The following GRK4 variants were observed in gnomAD, a reference collection of about 807,000 sequenced individuals.
GRK4 encodes G protein-coupled receptor kinase 4.
Under a neutral mutation model 77.9 loss-of-function variants are expected in GRK4, and 73 were observed. The observed-to-expected ratio is 0.94, with a 90% CI of 0.78 to 1.14. GRK4 has a LOEUF of 1.14. Among genes scored for constraint, GRK4 ranks in the 50% most tolerant of loss-of-function variants. The pLI is 0.00. For synonymous variants in GRK4, 257 were observed against 254.4 expected (o/e 1.01, Z -0.10); for missense variants, 729 against 700.2 (o/e 1.04, Z -0.46).
chr4:2,965,662 C>G, intron 1 of GRK4: 2 of 581,300 alleles, frequency 3.4e-6, no homozygotes, highest in South Asian at 2.0e-5. Flanking sequence ...CAAAACACAG[C>G]AAGACCATCT....
At chr4:2,977,515 AC>A (rs1721576829) in intron 1 of GRK4, among the ~76,000 whole-genome samples, 1 of 151,898 alleles carries the variant, frequency 6.6e-6, no homozygotes, top group Admixed American at 6.6e-5. Context: ...TAACAGGTAA[AC>A]CTTAAAATCT....
chr4:3,024,403 C>T (rs1736871270), intron 10 of GRK4, among the ~76,000 whole-genome samples: 1 of 152,154 alleles, frequency 6.6e-6, no homozygotes, highest in African/African-American at 2.4e-5. Context: ...GCTGGAGTTT[C>T]AGGCATGCAC....
At chr4:2,982,210 G>A (rs1169851246) in intron 1 of GRK4, among the ~76,000 whole-genome samples, 1 of 152,244 alleles carries the variant, frequency 6.6e-6, no homozygotes, top group African/African-American at 2.4e-5. Context: ...CTGGAAGGGG[G>A]TAGGGCTCCC....
chr4:2,984,482 A>G, intron 1 of GRK4, 31 bp from the exon 2 acceptor site: 1 of 1,249,676 alleles, frequency 8.0e-7, no homozygotes, highest in Non-Finnish European at 1.2e-6. Context: ...CTGACTGTTA[A>G]AGGAAATTGC....
chr4:2,986,266 G>A (rs1422742656), intron 2 of GRK4, among the ~76,000 whole-genome samples: 1 of 141,912 alleles, frequency 7.0e-6, no homozygotes, highest in South Asian at 2.1e-4. Flanking sequence ...ATTATGGATG[G>A]GGTAGAACAT....
At chr4:3,020,271 G>C (rs1735706201) in intron 9 of GRK4, among the ~76,000 whole-genome samples, 1 of 152,154 alleles carries the variant, frequency 6.6e-6, no homozygotes, top group South Asian at 2.1e-4. Context: ...CTCCAAAAGT[G>C]CTGGGATTAC....
Position 2,988,806 on chromosome 4 carries a change from T to A in GRK4, c.228T>A (p.Thr76=). The change falls in exon 3 of 16, where the codon ACT becomes ACA. Residue 76 remains threonine, a synonymous_variant. Transcript: ENST00000398052. ...GGCAGTTCTGTGATACCAAACCCAC[T>A]CTAAAGAGGCACATTGAATTCTTGG... ...LFRQFCDTKP[T]LKRHIEFLDA... is the part of the protein sequence containing the mutation. 1 of 1,612,068 alleles carries A rather than the reference T, an allele frequency of 6.2e-7. No homozygotes were observed. Among genetic ancestry groups the A allele is most frequent in the Non-Finnish European group, 8.5e-7 (1 of 1,178,208 alleles).
At chr4:2,977,451 A>T (rs1187547036) in intron 1 of GRK4, among the ~76,000 whole-genome samples, 1 of 152,200 alleles carries the variant, frequency 6.6e-6, no homozygotes, top group African/African-American at 2.4e-5. Context: ...TATTAGGTTA[A>T]TATTTCCCTC....
chr4:3,013,260 C>T (rs1733434321), intron 7 of GRK4, among the ~76,000 whole-genome samples: 1 of 151,728 alleles, frequency 6.6e-6, no homozygotes, highest in Non-Finnish European at 1.5e-5. Context: ...CCATGTTGGC[C>T]AGGTTGGTTT....
chr4:3,005,556 A>G (rs1731064317), intron 5 of GRK4, among the ~76,000 whole-genome samples: 1 of 152,122 alleles, frequency 6.6e-6, no homozygotes, highest in African/African-American at 2.4e-5. Context: ...TAATCCCAGC[A>G]CTTTGGGAGG....
chr4:2,996,258 C>T (rs1356084620), intron 4 of GRK4, among the ~76,000 whole-genome samples: 2 of 152,046 alleles, frequency 1.3e-5, no homozygotes. Context: ...GGTGGAACCT[C>T]TTAAATGCCT....
intron 1 of GRK4, chr4:2,965,157 C>T: frequency 3.2e-6 from 2 of 633,652 alleles, no homozygotes; most frequent in Non-Finnish European, 5.7e-6. Flanking sequence ...TTGTTCAAGG[C>T]TCAGCTTTTT....
chr4:3,025,381 G>T (rs899862633), intron 10 of GRK4, among the ~76,000 whole-genome samples: 1 of 145,952 alleles, frequency 6.9e-6, no homozygotes, highest in African/African-American at 2.5e-5. Context: ...AATTTTTAGC[G>T]ATCTAATTTT....
In GRK4 at chr4:2,979,079, G is replaced by A. The variant is rs543438193; in HGVS notation, c.53-5434G>A. Among the ~76,000 whole-genome samples the A allele has an allele frequency of 2.0e-4, 30 of 152,144 alleles. No homozygotes were observed. In the South Asian group the frequency reaches 6.0e-3, roughly 31 times the overall value. On this transcript the variant is annotated intron_variant, in intron 1 of 15. Transcript: ENST00000398052. ...ACCGTCTGTAAATACAAAAAAATTA[G>A]CCAGGCATGGTGATGGGCGCCTATA...
chr4:3,005,889 C>T (rs1000311915), intron 5 of GRK4, among the ~76,000 whole-genome samples: 1 of 151,484 alleles, frequency 6.6e-6, no homozygotes, highest in Non-Finnish European at 1.5e-5. Context: ...TCTCTGCACA[C>T]TGAGGAGCTG....
chr4:2,980,862 G>A (rs1406033488), intron 1 of GRK4, among the ~76,000 whole-genome samples: 2 of 152,244 alleles, frequency 1.3e-5, no homozygotes, highest in Non-Finnish European at 2.9e-5. Context: ...CTGGCAGGCT[G>A]TGCTTGTCTT....
At chr4:2,970,768 C>T (rs1220299388) in intron 1 of GRK4, among the ~76,000 whole-genome samples, 3 of 151,706 alleles carry the variant, frequency 2.0e-5, no homozygotes, top group Non-Finnish European at 2.9e-5. Context: ...CTCCCAGGTT[C>T]ACGCCATTCT....
At chr4:3,025,270 C>CA (rs1210467737) in intron 10 of GRK4, among the ~76,000 whole-genome samples, 1,235 of 66,400 alleles carry the variant, frequency 0.019, 27 homozygotes, top group African/African-American at 0.04. Context: ...GACTCTGTCT[C>CA]AAAAAAAAAA....
At chr4:2,979,615 A>T (rs1213452731) in intron 1 of GRK4, among the ~76,000 whole-genome samples, 3 of 152,204 alleles carry the variant, frequency 2.0e-5, no homozygotes, top group Non-Finnish European at 4.4e-5. Context: ...CAGGAGGCTG[A>T]GCCAGGAGAA....
Sources: allele counts gnomAD v4.1 joint callset (sites outside exome capture counted in the v4.1 genomes callset), GRCh38; gene constraint gnomAD v4.1.1; transcripts MANE v1.5; gene names NCBI Gene and HGNC (gene_info 2026-07-23, HGNC 2026-07-21).